DNER: variants seen among roughly 807,000 people sequenced by gnomAD.
DNER encodes the protein delta and Notch-like epidermal growth factor-related receptor.
Under a neutral mutation model 78.2 loss-of-function variants are expected in DNER, and 33 were observed. The ratio of observed to expected loss-of-function variants is 0.42; its 90% confidence interval spans 0.32 to 0.56. DNER has a LOEUF of 0.56. Among genes scored for constraint, DNER ranks in the 20% least tolerant of loss-of-function variants. The probability of loss-of-function intolerance (pLI) is 0.11; values close to 1 mark genes in which losing one functional copy is unlikely to be tolerated. For synonymous variants in DNER, 417 were observed against 384.8 expected (o/e 1.08, Z -0.98); for missense variants, 918 against 975.3 (o/e 0.94, Z 0.78).
intron 11 of DNER, among the ~76,000 whole-genome samples, chr2:229,369,222 A>G (rs1488131320): frequency 6.6e-6 from 1 of 151,966 alleles, no homozygotes; most frequent in African/African-American, 2.4e-5. Flanking sequence ...AAAGTTAAAA[A>G]AAGGTTTTAA....
chr2:229,387,147 T>TA (rs1481850788), intron 11 of DNER, among the ~76,000 whole-genome samples: 1 of 151,926 alleles, frequency 6.6e-6, no homozygotes, highest in Non-Finnish European at 1.5e-5. Flanking sequence ...TATGCAGCCA[T>TA]AAAAAAGGAT....
chr2:229,504,373 C>T (rs939696966), intron 6 of DNER, among the ~76,000 whole-genome samples: 3 of 152,112 alleles, frequency 2.0e-5, no homozygotes, highest in South Asian at 2.1e-4. Context: ...GCACCCACCA[C>T]CATGCCTGGC....
intron 9 of DNER, among the ~76,000 whole-genome samples, chr2:229,414,660 T>C (rs1693604177): frequency 6.6e-6 from 1 of 152,310 alleles, no homozygotes; most frequent in South Asian, 2.1e-4. Context: ...ACTTTACTTG[T>C]TGAAATTTTT....
chr2:229,417,859 C>T (rs1346754386), intron 9 of DNER, among the ~76,000 whole-genome samples: 1 of 152,102 alleles, frequency 6.6e-6, no homozygotes, highest in Non-Finnish European at 1.5e-5. Context: ...GCTTTTTACA[C>T]ATTCAATAAA....
At chr2:229,386,055 A>G (rs1667766832) in intron 11 of DNER, among the ~76,000 whole-genome samples, 1 of 152,212 alleles carries the variant, frequency 6.6e-6, no homozygotes, top group Non-Finnish European at 1.5e-5. Context: ...GCATCATGTT[A>G]CCTGATTTCA....
chr2:229,706,839 G>A (rs180860326), intron 1 of DNER, among the ~76,000 whole-genome samples: 2,760 of 152,222 alleles, frequency 0.018, 34 homozygotes, highest in Middle Eastern at 0.034. Context: ...GCCTCCCAAA[G>A]GGCTGGGATT....
At chr2:229,592,672 G>A (rs1697629332) in intron 1 of DNER, among the ~76,000 whole-genome samples, 1 of 149,874 alleles carries the variant, frequency 6.7e-6, no homozygotes, top group Non-Finnish European at 1.5e-5. Context: ...CCATGTGTTG[G>A]TAGTTGCAGA....
At chr2:229,426,648 G>T (rs190581136) in intron 8 of DNER, among the ~76,000 whole-genome samples, 6 of 152,190 alleles carry the variant, frequency 3.9e-5, no homozygotes, top group African/African-American at 1.4e-4. Context: ...GTGTGTGAGT[G>T]AGTGTGTGCA....
At chr2:229,699,870 A>G (rs1426124778) in intron 1 of DNER, among the ~76,000 whole-genome samples, 1 of 152,210 alleles carries the variant, frequency 6.6e-6, no homozygotes, top group Non-Finnish European at 1.5e-5. Flanking sequence ...AGAACCAAGA[A>G]TTATAAGCTT....
intron 8 of DNER, among the ~76,000 whole-genome samples, chr2:229,427,715 G>A (rs1230758261): frequency 6.6e-6 from 1 of 152,106 alleles, no homozygotes; most frequent in East Asian, 1.9e-4. Flanking sequence ...CACGGTAGAG[G>A]GACCACGGCT....
chr2:229,476,470 A>G (rs570435166), intron 7 of DNER, among the ~76,000 whole-genome samples: 10 of 152,320 alleles, frequency 6.6e-5, no homozygotes, highest in South Asian at 2.1e-4. Flanking sequence ...GTAGTTGTCA[A>G]TGTTACTTCT....
In DNER at chr2:229,388,504, T is replaced by C. The variant is rs1370213611; in HGVS notation, c.1724-108A>G. On this transcript the variant is annotated intron_variant, in intron 10 of 12. Transcript: ENST00000341772. ...GGCTAGGGGTCATAACCTTTAGCAATAGAGCCCAACCTGCTGTTTGTATAA... is the reference window on the plus strand; with the variant it reads ...GGCTAGGGGTCATAACCTTTAGCAACAGAGCCCAACCTGCTGTTTGTATAA... 2.3e-6 allele frequency: 3 copies of C among 1,310,676 alleles called. No homozygotes were observed. The Admixed American group carries it at 8.8e-5, about 38-fold the overall frequency. The allele number at this position is 1,310,676 out of a possible 1,614,324, so 81.2% of individuals were successfully genotyped here.
intron 8 of DNER, among the ~76,000 whole-genome samples, chr2:229,422,423 A>T (rs16826019): frequency 1.3e-5 from 2 of 152,126 alleles, no homozygotes; most frequent in Non-Finnish European, 2.9e-5. Flanking sequence ...TCTTTGCATG[A>T]TTTGCTCCCG....
At chr2:229,570,650 A>G (rs1352791326) in intron 4 of DNER, among the ~76,000 whole-genome samples, 1 of 151,106 alleles carries the variant, frequency 6.6e-6, no homozygotes, top group East Asian at 1.9e-4. Flanking sequence ...CAAGAGTGAT[A>G]CATTCTATGG....
chr2:229,624,815 T>A (rs906651788), intron 1 of DNER, among the ~76,000 whole-genome samples: 6 of 152,218 alleles, frequency 3.9e-5, no homozygotes, highest in Admixed American at 2.6e-4. Context: ...ACCTTTGTAT[T>A]TGTGTACATT....
At chr2:229,465,956 T>C (rs775384527) in intron 7 of DNER, among the ~76,000 whole-genome samples, 2 of 152,070 alleles carry the variant, frequency 1.3e-5, no homozygotes, top group Non-Finnish European at 2.9e-5. Context: ...CTTGTCCTCT[T>C]ATAGCCAAAT....
chr2:229,442,650 C>T (rs975756095), intron 8 of DNER, among the ~76,000 whole-genome samples: 3 of 152,148 alleles, frequency 2.0e-5, no homozygotes, highest in Non-Finnish European at 2.9e-5. Context: ...TGTCTTCAAA[C>T]CTTTGCAGGT....
chr2:229,628,842 A>G lies in DNER; in HGVS notation c.277-36954T>C, dbSNP rs571964003. Among the ~76,000 whole-genome samples the G allele has an allele frequency of 2.0e-5, 3 of 152,170 alleles. No homozygotes were observed. The South Asian group carries it at 6.2e-4, about 32-fold the overall frequency. On this transcript the variant is annotated intron_variant, in intron 1 of 12. Transcript: ENST00000341772. The stretch of plus-strand genomic sequence containing the variant: ...GAACCCCGGACATCAAAAAGGTACT[A>G]CCCCTGGTCTAGCCTCTTCTTTGTC...
At chr2:229,409,852 C>T (rs1210719609) in intron 9 of DNER, among the ~76,000 whole-genome samples, 1 of 152,156 alleles carries the variant, frequency 6.6e-6, no homozygotes, top group Non-Finnish European at 1.5e-5. Flanking sequence ...TATCGTAAAC[C>T]TTGCTAATCC....
Sources: allele counts gnomAD v4.1 joint callset (sites outside exome capture counted in the v4.1 genomes callset), GRCh38; gene constraint gnomAD v4.1.1; transcripts MANE v1.5; gene names NCBI Gene and HGNC (gene_info 2026-07-23, HGNC 2026-07-21).